The following CALD1 variants were observed in gnomAD, a reference collection of about 807,000 sequenced individuals.
CALD1 encodes the protein caldesmon.
CALD1 carries 33 observed loss-of-function variants against 99.9 expected under a neutral mutation model. The observed-to-expected ratio is 0.33, with a 90% CI of 0.25 to 0.44. The LOEUF (loss-of-function observed/expected upper bound fraction) is 0.44, where lower values mean the gene tolerates loss of function less well. CALD1 is among the 20% of genes least tolerant of loss of function. The probability of loss-of-function intolerance (pLI) is 1.00; values close to 1 mark genes in which losing one functional copy is unlikely to be tolerated. For synonymous variants in CALD1, 310 were observed against 325.0 expected, an observed-to-expected ratio of 0.95 and a Z score of 0.50; for missense variants, 861 against 962.1, an observed-to-expected ratio of 0.89 and a Z score of 1.39.
chr7:134,815,143 T>C (rs149990274), intron 1 of CALD1, among the ~76,000 whole-genome samples: 261 of 152,292 alleles, frequency 1.7e-3, no homozygotes, highest in Admixed American at 3.4e-3. Context: ...GTCCTCATCA[T>C]GTCCGGACAA....
chr7:134,882,964 G>A (rs1801676979), intron 3 of CALD1, among the ~76,000 whole-genome samples: 1 of 152,134 alleles, frequency 6.6e-6, no homozygotes, highest in Non-Finnish European at 1.5e-5. Flanking sequence ...TGCTCCTTGA[G>A]TGGTACTATT....
At chr7:134,775,147 T>C (rs182293875), upstream of CALD1, among the ~76,000 whole-genome samples, 10 of 152,340 alleles carry the variant, frequency 6.6e-5, no homozygotes, top group Admixed American at 5.2e-4. Flanking sequence ...ACAAAATTGA[T>C]TGTAACCCTG....
chr7:134,742,047 A>G (rs1345751883), upstream of CALD1, among the ~76,000 whole-genome samples: 2 of 151,600 alleles, frequency 1.3e-5, no homozygotes, highest in Non-Finnish European at 3.0e-5. Flanking sequence ...ACACACACAC[A>G]GACACACACA....
intron 1 of CALD1, among the ~76,000 whole-genome samples, chr7:134,752,007 TC>T (rs1347448391): frequency 6.6e-6 from 1 of 152,096 alleles, no homozygotes; most frequent in Non-Finnish European, 1.5e-5. Context: ...TACTCTTGAG[TC>T]CTTTGATTCC....
At chr7:134,764,215 T>A (rs898686242) in intron 1 of CALD1, among the ~76,000 whole-genome samples, 4 of 152,158 alleles carry the variant, frequency 2.6e-5, no homozygotes, top group African/African-American at 9.7e-5. Context: ...GCTCCTGGCC[T>A]GGACCCAAAT....
chr7:134,957,139 C>CCCCA (rs1225415384), intron 9 of CALD1, among the ~76,000 whole-genome samples: 3 of 152,154 alleles, frequency 2.0e-5, no homozygotes, highest in African/African-American at 7.2e-5. Context: ...ATGAGCTGTG[C>CCCCA]CCCATCCTCA....
chr7:134,838,047 C>T (rs1178638070), intron 1 of CALD1, among the ~76,000 whole-genome samples: 1 of 152,206 alleles, frequency 6.6e-6, no homozygotes, highest in Non-Finnish European at 1.5e-5. Context: ...AAAATTCTGA[C>T]TTTCACTGAA....
rs1048069436 is a variant in CALD1 at position 134,753,036 on chromosome 7, A to G, written c.-130+8673A>G. On this transcript the variant is annotated intron_variant, in intron 1 of 13. Transcript: ENST00000417172. Reference sequence around the variant, plus strand: ...AAAAAAAAAAAACAAAAAAAAACAAAAAAAAAAAACACTTTTCACACTTTT... The same window carrying G: ...AAAAAAAAAAAACAAAAAAAAACAAGAAAAAAAAACACTTTTCACACTTTT... 2.2e-3 allele frequency among the ~76,000 whole-genome samples: 338 copies of G among 150,826 alleles called. 2 individuals are homozygous for G. The highest frequency in any genetic ancestry group is 7.7e-3 in the African/African-American group (318 of 41,122).
At chr7:134,930,366 A>G (rs1805434811) in intron 4 of CALD1, among the ~76,000 whole-genome samples, 1 of 152,200 alleles carries the variant, frequency 6.6e-6, no homozygotes, top group South Asian at 2.1e-4. Flanking sequence ...AATGGAGAAA[A>G]TAATTTTAAT....
chr7:134,712,594 A>G, the CALD1 span, among the ~76,000 whole-genome samples: 1 of 152,226 alleles, frequency 6.6e-6, no homozygotes, highest in East Asian at 1.9e-4. Context: ...AGTAGACACT[A>G]AAGATGGTGG....
chr7:134,771,369 C>A (rs1370788585), intron 1 of CALD1, among the ~76,000 whole-genome samples: 3 of 152,140 alleles, frequency 2.0e-5, no homozygotes, highest in Non-Finnish European at 4.4e-5. Flanking sequence ...CAGGGGTGCC[C>A]GTTCTATTCA....
chr7:134,867,080 G>A (rs1468067489), intron 2 of CALD1: 3 of 152,184 alleles, frequency 2.0e-5, no homozygotes, highest in African/African-American at 7.2e-5. Context: ...CTGTAGAAAA[G>A]CAGTGATTTT....
intron 1 of CALD1, among the ~76,000 whole-genome samples, chr7:134,841,151 C>T (rs902994071): frequency 6.6e-6 from 1 of 152,102 alleles, no homozygotes; most frequent in Non-Finnish European, 1.5e-5. Flanking sequence ...TGTGGCAAAT[C>T]TATTCCAAAT....
At chr7:134,904,725 T>C (rs1279838293) in intron 3 of CALD1, among the ~76,000 whole-genome samples, 1 of 152,084 alleles carries the variant, frequency 6.6e-6, no homozygotes, top group Non-Finnish European at 1.5e-5. Flanking sequence ...TATTCGCTTC[T>C]TAGAAAGCTA....
chr7:134,920,890 C>T (rs1381102585), intron 3 of CALD1, among the ~76,000 whole-genome samples: 1 of 152,142 alleles, frequency 6.6e-6, no homozygotes, highest in Non-Finnish European at 1.5e-5. Context: ...TGAATGGAGT[C>T]CTCTTTAAGT....
chr7:134,740,812 C>T (rs1283127400), upstream of CALD1, among the ~76,000 whole-genome samples: 1 of 152,232 alleles, frequency 6.6e-6, no homozygotes, highest in Non-Finnish European at 1.5e-5. Flanking sequence ...CTCCACTAGA[C>T]TGCAAGCTCA....
chr7:134,747,752 T>C (rs1203278487), intron 1 of CALD1, among the ~76,000 whole-genome samples: 1 of 152,208 alleles, frequency 6.6e-6, no homozygotes, highest in African/African-American at 2.4e-5. Flanking sequence ...TGGCTGCCTC[T>C]ACCTGGATTA....
chr7:134,873,532 G>C (rs1801203214), intron 3 of CALD1, among the ~76,000 whole-genome samples: 1 of 152,220 alleles, frequency 6.6e-6, no homozygotes, highest in African/African-American at 2.4e-5. Flanking sequence ...GACATTTTAT[G>C]TGTGTCTAGT....
rs1299005988 is a variant in CALD1 at position 134,869,020 on chromosome 7, C to T, written c.71+1216C>T. 2.0e-5 allele frequency among the ~76,000 whole-genome samples: 3 copies of T among 152,112 alleles called. No individual in the cohort carries two copies. The East Asian group carries it at 5.8e-4, about 29-fold the overall frequency. The stretch of plus-strand genomic sequence containing the variant: ...AATGATAGTTTTTCATAAATGATAG[C>T]TATTATTATTATTAACCATTATCAC... On this transcript the variant is annotated intron_variant, in intron 3 of 14. Transcript: ENST00000361675.
Sources: allele counts gnomAD v4.1 joint callset (sites outside exome capture counted in the v4.1 genomes callset), GRCh38; gene constraint gnomAD v4.1.1; transcripts MANE v1.5; gene names NCBI Gene and HGNC (gene_info 2026-07-23, HGNC 2026-07-21).